Variants in SEMA5A observed in about 807,000 individuals in gnomAD.
SEMA5A encodes semaphorin-5A.
In SEMA5A, 55 loss-of-function variants were observed where a neutral mutation model predicts 135.5. That is an observed-to-expected ratio of 0.41 (90% CI 0.33 to 0.51). SEMA5A has a LOEUF of 0.51. Among genes scored for constraint, SEMA5A ranks in the 20% least tolerant of loss-of-function variants. The probability of loss-of-function intolerance (pLI) is 0.37; values close to 1 mark genes in which losing one functional copy is unlikely to be tolerated. For synonymous variants in SEMA5A, 580 were observed against 546.5 expected (o/e 1.06, Z -0.85); for missense variants, 1,290 against 1,419.9 (o/e 0.91, Z 1.47).
intron 3 of SEMA5A, among the ~76,000 whole-genome samples, chr5:9,352,411 G>A (rs190250097): frequency 6.6e-6 from 1 of 152,116 alleles, no homozygotes; most frequent in East Asian, 1.9e-4. Flanking sequence ...TTATGGCGCT[G>A]GCTAATTTTT....
At chr5:9,462,170 T>G (rs1306354155) in intron 1 of SEMA5A, among the ~76,000 whole-genome samples, 2 of 152,114 alleles carry the variant, frequency 1.3e-5, no homozygotes, top group Non-Finnish European at 2.9e-5. Flanking sequence ...GCCTCTTACA[T>G]GAGCACACTT....
chr5:9,174,197 A>G (rs1441681984), intron 11 of SEMA5A, among the ~76,000 whole-genome samples: 1 of 152,224 alleles, frequency 6.6e-6, no homozygotes, highest in Admixed American at 6.5e-5. Flanking sequence ...TGTAAATTAC[A>G]GCTTACTGCA....
intron 16 of SEMA5A, among the ~76,000 whole-genome samples, chr5:9,091,379 G>A (rs1449454902): frequency 6.6e-6 from 1 of 152,094 alleles, no homozygotes. Context: ...GTACATCTGA[G>A]AAAAACAGGG....
At chr5:9,234,480 T>A (rs1675663890) in intron 6 of SEMA5A, among the ~76,000 whole-genome samples, 1 of 152,224 alleles carries the variant, frequency 6.6e-6, no homozygotes, top group Non-Finnish European at 1.5e-5. Context: ...TAGACCAACA[T>A]GTTTGTAAAG....
chr5:9,274,057 G>A (rs1218209535), intron 5 of SEMA5A, among the ~76,000 whole-genome samples: 1 of 152,030 alleles, frequency 6.6e-6, no homozygotes, highest in Non-Finnish European at 1.5e-5. Context: ...ATTGGATAAA[G>A]AGTCAAGACC....
At chr5:9,087,379 T>C (rs941446131) in intron 16 of SEMA5A, among the ~76,000 whole-genome samples, 2 of 152,158 alleles carry the variant, frequency 1.3e-5, no homozygotes, top group African/African-American at 4.8e-5. Flanking sequence ...AAATAAATAA[T>C]TATCCAAATC....
At chr5:9,135,527 G>A (rs56196492) in intron 13 of SEMA5A, among the ~76,000 whole-genome samples, 11,748 of 151,992 alleles carry the variant, frequency 0.077, 488 homozygotes, top group South Asian at 0.15. Flanking sequence ...TGAATATGTG[G>A]TTGAGATAAC....
intron 8 of SEMA5A, 144 bp from the exon 9 acceptor site, chr5:9,202,384 G>C: frequency 4.6e-5 from 27 of 589,594 alleles, no homozygotes; most frequent in South Asian, 2.3e-4. Context: ...GGCCCCGTGA[G>C]CAGCTTAATG....
intron 5 of SEMA5A, among the ~76,000 whole-genome samples, chr5:9,248,971 AATAC>A (rs1374596941): frequency 1.3e-5 from 2 of 152,270 alleles, no homozygotes; most frequent in East Asian, 1.9e-4. Context: ...ATACAAAACT[AATAC>A]ATACATACAT....
intron 16 of SEMA5A, among the ~76,000 whole-genome samples, chr5:9,073,190 A>G (rs896037360): frequency 6.6e-6 from 1 of 152,158 alleles, no homozygotes; most frequent in Non-Finnish European, 1.5e-5. Flanking sequence ...TTCCTCATGA[A>G]TGTAGATGTT....
intron 13 of SEMA5A, among the ~76,000 whole-genome samples, chr5:9,123,318 C>T (rs1392769720): frequency 2.6e-5 from 3 of 114,594 alleles, no homozygotes; most frequent in African/African-American, 9.1e-5. Flanking sequence ...AGTATTTCAA[C>T]GTAAAGCAGC....
intron 11 of SEMA5A, among the ~76,000 whole-genome samples, chr5:9,155,698 A>T (rs886510): frequency 0.15 from 23,565 of 152,240 alleles, 1,853 homozygotes; most frequent in South Asian, 0.29. Flanking sequence ...TTCTAAAACC[A>T]GAAGTAGTCA....
chr5:9,534,815 T>C (rs1009888757), intron 1 of SEMA5A, among the ~76,000 whole-genome samples: 1 of 152,182 alleles, frequency 6.6e-6, no homozygotes, highest in Non-Finnish European at 1.5e-5. Flanking sequence ...CTAGCCATAG[T>C]CCAAGTTCAA....
At chr5:9,538,967 A>G (rs1737926908) in intron 1 of SEMA5A, among the ~76,000 whole-genome samples, 1 of 152,236 alleles carries the variant, frequency 6.6e-6, no homozygotes, top group Non-Finnish European at 1.5e-5. Context: ...ATTGAGGTAT[A>G]TGTTACATGC....
intron 2 of SEMA5A, among the ~76,000 whole-genome samples, chr5:9,389,128 C>T (rs1270455052): frequency 6.6e-6 from 1 of 152,162 alleles, no homozygotes; most frequent in Non-Finnish European, 1.5e-5. Flanking sequence ...TTTGTGACCA[C>T]TGACCTTTCC....
intron 1 of SEMA5A, among the ~76,000 whole-genome samples, chr5:9,476,492 G>A (rs1759671303): frequency 6.6e-6 from 1 of 152,066 alleles, no homozygotes; most frequent in Admixed American, 6.6e-5. Context: ...AGCTAAAGGA[G>A]ACTGATGCCT....
chr5:9,329,578 A>G (rs1348161114), intron 4 of SEMA5A, among the ~76,000 whole-genome samples: 2 of 152,250 alleles, frequency 1.3e-5, no homozygotes, highest in Non-Finnish European at 2.9e-5. Context: ...GAAGAACTAC[A>G]TGAACTAATA....
intron 3 of SEMA5A, among the ~76,000 whole-genome samples, chr5:9,355,755 C>G (rs372186610): frequency 5.9e-5 from 9 of 151,822 alleles, no homozygotes; most frequent in African/African-American, 2.2e-4. Flanking sequence ...AGGTGAGGAA[C>G]GACAGAAGGA....
At chr5:9,315,957 A>G (rs1752371199) in intron 5 of SEMA5A, among the ~76,000 whole-genome samples, 1 of 152,172 alleles carries the variant, frequency 6.6e-6, no homozygotes, top group Non-Finnish European at 1.5e-5. Context: ...ATTAGCATCT[A>G]TTGATCACTT....
Sources: allele counts gnomAD v4.1 joint callset (sites outside exome capture counted in the v4.1 genomes callset), GRCh38; gene constraint gnomAD v4.1.1; transcripts MANE v1.5; gene names NCBI Gene and HGNC (gene_info 2026-07-23, HGNC 2026-07-21).